Variants in DMD observed in about 807,000 individuals in gnomAD.
DMD encodes dystrophin.
DMD carries 63 observed loss-of-function variants against 330.1 expected under a neutral mutation model. The ratio of observed to expected loss-of-function variants is 0.19; its 90% CI spans 0.16 to 0.24. DMD has a LOEUF of 0.24. Ranked by LOEUF, DMD falls within the 10% of genes least tolerant of loss-of-function variation. DMD has a pLI of 1.00. For synonymous variants in DMD, 1,223 were observed against 959.8 expected (o/e 1.27, Z -5.07); for missense variants, 3,344 against 2,684.1 (o/e 1.25, Z -5.43).
intron 59 of DMD, among the ~76,000 whole-genome samples, chrX:31,448,617 G>A (rs927887792): frequency 4.4e-4 from 50 of 112,519 alleles, no homozygotes; most frequent in African/African-American, 1.4e-3. Context: ...TGAGCAATAC[G>A]AGGTGCTATT....
intron 2 of DMD, among the ~76,000 whole-genome samples, chrX:32,869,009 TG>T (rs1236481977): frequency 2.7e-5 from 3 of 111,553 alleles, no homozygotes; most frequent in East Asian, 5.7e-4. Flanking sequence ...TGCTGGCATC[TG>T]GTCAGTGACC....
At chrX:32,391,191 T>C (rs2097999691) in intron 30 of DMD, among the ~76,000 whole-genome samples, 1 of 111,429 alleles carries the variant, frequency 9.0e-6, no homozygotes, top group South Asian at 3.7e-4. Flanking sequence ...TAATTTAAAA[T>C]TCAGTCATTA....
chrX:32,294,126 C>A (rs537879013), intron 42 of DMD, among the ~76,000 whole-genome samples: 384 of 111,741 alleles, frequency 3.4e-3, no homozygotes, highest in African/African-American at 0.012. Context: ...TGATTCAACT[C>A]TGAATTCTTT....
At chrX:31,747,624 C>G (rs1164961507) in intron 51 of DMD, among the ~76,000 whole-genome samples, 2 of 111,428 alleles carry the variant, frequency 1.8e-5, no homozygotes, top group African/African-American at 6.5e-5. Flanking sequence ...TAGTTCCAAG[C>G]AAACACATGG....
intron 59 of DMD, among the ~76,000 whole-genome samples, chrX:31,445,766 G>C (rs1602950589): frequency 9.0e-6 from 1 of 111,383 alleles, no homozygotes; most frequent in African/African-American, 3.3e-5. Flanking sequence ...GCAATCCGTT[G>C]AGCAGAAGAA....
chrX:32,174,963 T>A (rs2096901060), intron 44 of DMD, among the ~76,000 whole-genome samples: 1 of 111,904 alleles, frequency 8.9e-6, no homozygotes, highest in African/African-American at 3.2e-5. Flanking sequence ...TGAAAAGATT[T>A]ATTTTCTATT....
chrX:31,740,560 AATGTT>A (rs774539658), intron 51 of DMD, among the ~76,000 whole-genome samples: 2 of 112,612 alleles, frequency 1.8e-5, no homozygotes, highest in South Asian at 7.2e-4. Flanking sequence ...CAGTGCATTA[AATGTT>A]ATGTTTACAC....
chrX:32,862,886 G>A (rs965318288), intron 2 of DMD, among the ~76,000 whole-genome samples: 3 of 110,554 alleles, frequency 2.7e-5, no homozygotes, highest in Non-Finnish European at 5.7e-5. Context: ...ACAGGCGCGA[G>A]CCACTACGCT....
At chrX:31,887,656 T>C (rs760729158) in intron 47 of DMD, among the ~76,000 whole-genome samples, 1 of 112,186 alleles carries the variant, frequency 8.9e-6, no homozygotes, top group East Asian at 2.8e-4. Context: ...GAAATAATGA[T>C]TCTATCTAAT....
chrX:32,089,783 T>C (rs1031652252), intron 44 of DMD, among the ~76,000 whole-genome samples: 10 of 112,320 alleles, frequency 8.9e-5, no homozygotes, highest in South Asian at 3.7e-4. Flanking sequence ...GGTAGAATGA[T>C]TTCTATTCCT....
At chrX:32,468,213 G>A in intron 23 of DMD, among the ~76,000 whole-genome samples, 1 of 110,695 alleles carries the variant, frequency 9.0e-6, no homozygotes, top group East Asian at 2.8e-4. Flanking sequence ...AGACTAAATG[G>A]ATGATTGGTT....
At chrX:33,005,275 A>AACACAC (rs376666672) in intron 2 of DMD, among the ~76,000 whole-genome samples, 336 of 102,629 alleles carry the variant, frequency 3.3e-3, no homozygotes, top group East Asian at 5.5e-3. Flanking sequence ...CACACACACA[A>AACACAC]ACACACACAC....
chrX:32,831,050 A>T (rs549570383), intron 4 of DMD, among the ~76,000 whole-genome samples: 1 of 110,981 alleles, frequency 9.0e-6, no homozygotes, highest in South Asian at 3.8e-4. Context: ...TACAATACAT[A>T]ATTTTGTATA....
chrX:31,210,900 C>T (rs1392324870), intron 64 of DMD, among the ~76,000 whole-genome samples: 3 of 112,214 alleles, frequency 2.7e-5, no homozygotes, highest in East Asian at 5.6e-4. Context: ...CTATATTGCG[C>T]ACACATTTTT....
At chrX:31,859,650 A>G (rs1372902738) in intron 48 of DMD, among the ~76,000 whole-genome samples, 1 of 112,461 alleles carries the variant, frequency 8.9e-6, no homozygotes, top group Non-Finnish European at 1.9e-5. Flanking sequence ...ACTTATGGAT[A>G]TAACACTTAT....
chrX:32,818,744 G>C (rs746058857), intron 5 of DMD, among the ~76,000 whole-genome samples: 1 of 110,725 alleles, frequency 9.0e-6, no homozygotes, highest in South Asian at 3.9e-4. Context: ...GCAGCTTCTA[G>C]TTGTTAGTTC....
At chrX:32,730,275 T>C (rs1010941318) in intron 7 of DMD, among the ~76,000 whole-genome samples, 2 of 112,099 alleles carry the variant, frequency 1.8e-5, no homozygotes, top group African/African-American at 3.2e-5. Context: ...GACTCAGGAG[T>C]TGGAGGCCTG....
chrX:32,136,645 C>G (rs957544268), intron 44 of DMD, among the ~76,000 whole-genome samples: 1 of 112,296 alleles, frequency 8.9e-6, no homozygotes, highest in Non-Finnish European at 1.9e-5. Context: ...GTTCCTTGTT[C>G]TGCCTTGTCC....
At position 32,762,014 on chromosome X, in the gene DMD, G is replaced by A. The variant is rs780826165; in HGVS notation, c.649+47479C>T. Among the ~76,000 whole-genome samples the A allele has an allele frequency of 2.8e-5, 3 of 109,029 alleles. No individual in the cohort carries two copies. In the South Asian group the frequency reaches 1.2e-3, roughly 45 times the overall value. 94.7% of individuals were successfully genotyped at this position (109,029 alleles called of 115,157 possible). ...AAACACAAAAAATTAGCCAGGCATA[G>A]TTGCACGCGCCTGTAATCCCAGCTA... On this transcript the variant is annotated intron_variant, in intron 7 of 78. Transcript: ENST00000357033.
Sources: gnomAD v4.1 joint callset for allele counts (sites outside exome capture counted in the v4.1 genomes callset) on GRCh38, gnomAD v4.1.1 for gene constraint, MANE v1.5 for transcripts, NCBI Gene and HGNC (gene_info 2026-07-23, HGNC 2026-07-21) for gene names.